CLEC6A: variants seen among roughly 807,000 people sequenced by gnomAD.
CLEC6A encodes C-type lectin domain family 6 member A.
In CLEC6A, 22 loss-of-function variants were observed where a neutral mutation model predicts 25.7. The ratio of observed to expected loss-of-function variants is 0.85; its 90% confidence interval spans 0.61 to 1.22. CLEC6A has a LOEUF of 1.22. Among genes scored for constraint, CLEC6A ranks in the 50% most tolerant of loss-of-function variants. The pLI is 0.00. For synonymous variants in CLEC6A, 92 were observed against 76.7 expected (o/e 1.20, Z -1.04); for missense variants, 240 against 236.8 (o/e 1.01, Z -0.09).
Position 8,457,935 on chromosome 12 carries a change from G to A in CLEC6A, c.69G>A (p.Val23=), listed in dbSNP as rs369484573. 1.2e-6 allele frequency: 2 copies of A among 1,614,088 alleles called. No individual in the cohort carries two copies. Among genetic ancestry groups the A allele is most frequent in the Non-Finnish European group, 1.7e-6 (2 of 1,179,968 alleles). Residue 23 remains valine (V), a synonymous_variant, in exon 2 of 6, where the codon GTG becomes GTA. Transcript: ENST00000382073. The part of the protein sequence containing the change: ...RGWLSLRLWS[V]AGISIALLSA... ...GGTTGTCCCTGAGACTCTGGTCTGT[G>A]GCTGGGATTTCCATTGCACTCCTCA...
At chr12:8,468,320 AT>A in intron 4 of CLEC6A, among the ~76,000 whole-genome samples, 1 of 152,210 alleles carries the variant, frequency 6.6e-6, no homozygotes, top group Middle Eastern at 3.4e-3. Context: ...AAATGATACT[AT>A]TTTTTCTACA....
rs370517602 is a variant in CLEC6A at position 8,456,012 on chromosome 12, A to C, written c.-100A>C. On this transcript the variant is annotated 5_prime_UTR_variant, in exon 1 of 6. Coordinates refer to ENST00000382073, the MANE Select transcript of CLEC6A (RefSeq NM_001007033.2). The stretch of plus-strand genomic sequence containing the variant: ...AAGAGTGTGTAGCAGTTTGTCCCTG[A>C]GCTCTAGCTTCTTTAAATGAAGCTG... 28 of 1,096,586 alleles carry C rather than the reference A, an allele frequency of 2.6e-5. No individual in the cohort carries two copies. The highest frequency in any genetic ancestry group is 4.7e-5 in the East Asian group (2 of 42,196). The allele number at this position is 1,096,586 out of a possible 1,614,324, so 67.9% of individuals were successfully genotyped here.
chr12:8,464,735 C>G lies in CLEC6A; in HGVS notation c.224-749C>G, dbSNP rs145055661. Among the ~76,000 whole-genome samples the G allele has an allele frequency of 7.4e-3, 1,125 of 152,118 alleles. 12 individuals carry two copies. The highest frequency in any genetic ancestry group is 0.012 in the Non-Finnish European group (841 of 67,988). Reference sequence around the variant, plus strand: ...AAAATCATATTGATATAAAATATATCAGTGGATTTGTATATGGCTAGCTAT... The same window carrying G: ...AAAATCATATTGATATAAAATATATGAGTGGATTTGTATATGGCTAGCTAT... On this transcript the variant is annotated intron_variant, in intron 3 of 5. Transcript: ENST00000382073.
At position 8,472,736 on chromosome 12, in the gene CLEC6A, T is replaced by C. The variant is rs756501033; in HGVS notation, c.370-3389T>C. Among the ~76,000 whole-genome samples, 3 of 152,286 alleles carry C rather than the reference T, an allele frequency of 2.0e-5. No individual in the cohort carries two copies. The South Asian group carries it at 6.2e-4, about 32-fold the overall frequency. On this transcript the variant is annotated intron_variant, in intron 4 of 5. Coordinates refer to ENST00000382073, the MANE Select transcript of CLEC6A (RefSeq NM_001007033.2). ...CCATCTTACTGACATCAGTGGAACA[T>C]GTACTTTTAAAAATTAATTTCAACT... is the stretch of plus-strand genomic sequence containing the variant.
At chr12:8,470,505 A>G (rs4301857) in intron 4 of CLEC6A, among the ~76,000 whole-genome samples, 116,142 of 151,924 alleles carry the variant, frequency 0.76, 45,022 homozygotes, top group East Asian at 0.99. Flanking sequence ...AGCACAATTC[A>G]CAATTGAAAA....
In CLEC6A at chr12:8,474,839, GCTCT is replaced by G. The variant is rs777347530; in HGVS notation, c.370-1283_370-1280del. On this transcript the variant is annotated intron_variant, in intron 4 of 5. Transcript: ENST00000382073. The stretch of plus-strand genomic sequence containing the variant: ...ATCGACTATAGTTAAAACCTAGTGA[GCTCT>G]CTATTATGTTTAACTTTTCCAAGTA... Among the ~76,000 whole-genome samples, 29 of 152,148 alleles carry G rather than the reference GCTCT, an allele frequency of 1.9e-4. 1 individual carries two copies. In the South Asian group the frequency reaches 3.7e-3, roughly 20 times the overall value.
chr12:8,477,042 C>T (rs894526576), intron 5 of CLEC6A, among the ~76,000 whole-genome samples: 9 of 151,998 alleles, frequency 5.9e-5, no homozygotes, highest in East Asian at 1.9e-4. Context: ...TTAATAACCC[C>T]GCCAGCATAA....
intron 4 of CLEC6A, among the ~76,000 whole-genome samples, chr12:8,473,639 G>A (rs1174260706): frequency 6.6e-6 from 1 of 152,018 alleles, no homozygotes; most frequent in Non-Finnish European, 1.5e-5. Context: ...TATGTTTTTT[G>A]AGAAATCTCC....
chr12:8,456,253 A>G lies in CLEC6A; in HGVS notation c.31+111A>G. 1.0e-5 allele frequency: 10 copies of G among 982,588 alleles called. No homozygotes were observed. In the South Asian group the frequency reaches 1.1e-4, roughly 11 times the overall value. 60.9% of individuals were successfully genotyped at this position (982,588 alleles called of 1,614,324 possible). A position where few individuals can be genotyped will look rare whatever the true frequency, so the allele number is the denominator to read the frequency against. On this transcript the variant is annotated intron_variant, in intron 1 of 5. Transcript: ENST00000382073. Reference sequence around the variant, plus strand: ...TTGAAGAGCTAGTGATTGGACCAATATAGTAGACTCAAAGGAATTTGAAAG... The same window carrying G: ...TTGAAGAGCTAGTGATTGGACCAATGTAGTAGACTCAAAGGAATTTGAAAG...
At chr12:8,473,488 C>T (rs1939933664) in intron 4 of CLEC6A, among the ~76,000 whole-genome samples, 1 of 152,036 alleles carries the variant, frequency 6.6e-6, no homozygotes, top group Non-Finnish European at 1.5e-5. Flanking sequence ...TGATAGGCAC[C>T]TAGGTCGATT....
At chr12:8,476,963 G>A (rs1939982644) in intron 5 of CLEC6A, among the ~76,000 whole-genome samples, 1 of 152,078 alleles carries the variant, frequency 6.6e-6, no homozygotes, top group African/African-American at 2.4e-5. Flanking sequence ...AGAAGCTTAG[G>A]AAGGTGATAA....
intron 1 of CLEC6A, among the ~76,000 whole-genome samples, 168 bp from the exon 2 acceptor site, chr12:8,457,730 C>T (rs113449586): frequency 9.2e-4 from 140 of 152,306 alleles, no homozygotes; most frequent in African/African-American, 2.9e-3. Flanking sequence ...GACCACAGAG[C>T]TACTACCTGG....
At chr12:8,462,814 T>G (rs1939779459) in intron 3 of CLEC6A, among the ~76,000 whole-genome samples, 1 of 152,098 alleles carries the variant, frequency 6.6e-6, no homozygotes, top group African/African-American at 2.4e-5. Flanking sequence ...CTCTATACTT[T>G]GTCTCTGTGT....
rs1266372853 is a variant in CLEC6A, at chr12:8,469,762, TC to T, written c.369+4134del. Among the ~76,000 whole-genome samples the T allele has an allele frequency of 1.3e-4, 20 of 152,312 alleles. No homozygotes were observed. In the South Asian group the frequency reaches 4.1e-3, roughly 32 times the overall value. On this transcript the variant is annotated intron_variant, in intron 4 of 5. Transcript: ENST00000382073. ...AAGAATGAAACTGGCTCCTGATTTC[TC>T]ATCTTATACAAAAATCAACTCAAGG...
In CLEC6A at chr12:8,477,829, A is replaced by G. The variant is rs946789759; in HGVS notation, c.*365A>G. ...TGAAAATTATGACTTTCCTTCCTCA[A>G]TATACCATAAAGAAATCTTTTTGGT... is the stretch of plus-strand genomic sequence containing the variant. On this transcript the variant is annotated 3_prime_UTR_variant, in exon 6 of 6. Transcript: ENST00000382073. 1 of 155,518 alleles carries G rather than the reference A, an allele frequency of 6.4e-6. No individual in the cohort carries two copies. Among genetic ancestry groups the G allele is most frequent in the Non-Finnish European group, 1.4e-5 (1 of 70,378 alleles). 9.6% of individuals were successfully genotyped at this position (155,518 alleles called of 1,614,324 possible).
At chr12:8,468,593 C>A (rs1243977763) in intron 4 of CLEC6A, among the ~76,000 whole-genome samples, 1 of 152,082 alleles carries the variant, frequency 6.6e-6, no homozygotes, top group African/African-American at 2.4e-5. Context: ...TTTAATTTCT[C>A]AAAATTTAGT....
At chr12:8,460,444 C>A (rs1939737332) in intron 3 of CLEC6A, among the ~76,000 whole-genome samples, 1 of 152,172 alleles carries the variant, frequency 6.6e-6, no homozygotes, top group African/African-American at 2.4e-5. Flanking sequence ...AAGGGGGAAA[C>A]CACCCCCAAG....
At chr12:8,469,348 G>A (rs749297520) in intron 4 of CLEC6A, among the ~76,000 whole-genome samples, 58 of 152,038 alleles carry the variant, frequency 3.8e-4, no homozygotes, top group African/African-American at 1.3e-3. Context: ...TTGTTAAAAT[G>A]ACCATATTGC....
intron 2 of CLEC6A, among the ~76,000 whole-genome samples, chr12:8,459,337 T>C (rs927977651): frequency 2.6e-5 from 4 of 152,108 alleles, no homozygotes; most frequent in African/African-American, 9.7e-5. Context: ...TTAATTGTTG[T>C]GGGAAACAGG....
Sources: gnomAD v4.1 joint callset for allele counts (sites outside exome capture counted in the v4.1 genomes callset) on GRCh38, gnomAD v4.1.1 for gene constraint, MANE v1.5 for transcripts, NCBI Gene and HGNC (gene_info 2026-07-23, HGNC 2026-07-21) for gene names.